GPC6: variants seen among roughly 807,000 people sequenced by gnomAD.
GPC6 encodes glypican-6.
Under a neutral mutation model 55.2 loss-of-function variants are expected in GPC6, and 14 were observed. The observed-to-expected ratio is 0.25, with a 90% CI of 0.17 to 0.40. GPC6 has a LOEUF of 0.40. Ranked by LOEUF, GPC6 falls within the 10% of genes least tolerant of loss-of-function variation. The pLI is 1.00. For synonymous variants in GPC6, 278 were observed against 259.6 expected, an observed-to-expected ratio of 1.07 and a Z score of -0.68; for missense variants, 641 against 708.5, an observed-to-expected ratio of 0.90 and a Z score of 1.08.
intron 1 of GPC6, among the ~76,000 whole-genome samples, chr13:93,525,666 CA>C (rs1881617675): frequency 6.6e-6 from 1 of 151,836 alleles, no homozygotes; most frequent in African/African-American, 2.4e-5. Context: ...AAGTACTTAA[CA>C]AAAAAAGGCC....
At position 93,429,665 on chromosome 13, in the gene GPC6, C is replaced by T. The variant is rs538657305; in HGVS notation, c.161-115598C>T. Among the ~76,000 whole-genome samples the T allele has an allele frequency of 5.9e-5, 9 of 152,206 alleles. No individual in the cohort carries two copies. In the East Asian group the frequency reaches 1.7e-3, roughly 29 times the overall value. Reference sequence around the variant, plus strand: ...AGGGTCTCAATTGCTGTATTGGCATCTGATATGAGAAAAAGGACAAGCAAC... The same window carrying T: ...AGGGTCTCAATTGCTGTATTGGCATTTGATATGAGAAAAAGGACAAGCAAC... On this transcript the variant is annotated intron_variant, in intron 1 of 8. Coordinates refer to ENST00000377047, the MANE Select transcript of GPC6 (RefSeq NM_005708.5).
intron 2 of GPC6, among the ~76,000 whole-genome samples, chr13:93,731,096 G>A (rs551641482): frequency 1.3e-5 from 2 of 152,240 alleles, no homozygotes; most frequent in East Asian, 3.9e-4. Context: ...GATACAGTGG[G>A]ATACAATGAA....
At chr13:93,596,872 T>C (rs1437766422) in intron 2 of GPC6, among the ~76,000 whole-genome samples, 1 of 148,946 alleles carries the variant, frequency 6.7e-6, no homozygotes, top group Admixed American at 6.7e-5. Flanking sequence ...TTGGCTCGTG[T>C]GATTATGGAG....
intron 1 of GPC6, among the ~76,000 whole-genome samples, chr13:93,326,473 T>A (rs940869386): frequency 6.6e-6 from 1 of 150,628 alleles, no homozygotes; most frequent in East Asian, 2.0e-4. Flanking sequence ...CACACACGTG[T>A]ACGCAGTTCA....
intron 3 of GPC6, among the ~76,000 whole-genome samples, chr13:93,977,840 T>G (rs1275311920): frequency 6.6e-6 from 1 of 152,166 alleles, no homozygotes; most frequent in Non-Finnish European, 1.5e-5. Flanking sequence ...AGTCCATAGC[T>G]GTGAAAAAGA....
chr13:94,164,190 A>G (rs1423250443), intron 4 of GPC6, among the ~76,000 whole-genome samples: 3 of 152,200 alleles, frequency 2.0e-5, no homozygotes, highest in Admixed American at 2.0e-4. Flanking sequence ...TATTATCTAT[A>G]AAACTGTATC....
At chr13:93,674,322 A>C (rs1193311600) in intron 2 of GPC6, among the ~76,000 whole-genome samples, 1 of 152,124 alleles carries the variant, frequency 6.6e-6, no homozygotes, top group Non-Finnish European at 1.5e-5. Context: ...ACTATGTTTT[A>C]TTGTATCCTT....
At chr13:94,264,586 C>T (rs1322851423) in intron 4 of GPC6, among the ~76,000 whole-genome samples, 3 of 152,196 alleles carry the variant, frequency 2.0e-5, no homozygotes, top group African/African-American at 4.8e-5. Flanking sequence ...CTTCAAAGAG[C>T]TCAATGCCAC....
intron 1 of GPC6, among the ~76,000 whole-genome samples, chr13:93,497,539 T>A (rs190557347): frequency 6.6e-6 from 1 of 152,348 alleles, no homozygotes; most frequent in Non-Finnish European, 1.5e-5. Flanking sequence ...GCATTCCATA[T>A]GCTGGGTAAT....
At chr13:93,899,521 C>T (rs1258025848) in intron 3 of GPC6, among the ~76,000 whole-genome samples, 1 of 151,282 alleles carries the variant, frequency 6.6e-6, no homozygotes, top group Non-Finnish European at 1.5e-5. Context: ...AGCCAGGAAG[C>T]AGGGACATCA....
intron 1 of GPC6, among the ~76,000 whole-genome samples, chr13:93,529,044 A>G (rs1171153550): frequency 6.6e-6 from 1 of 152,132 alleles, no homozygotes; most frequent in Non-Finnish European, 1.5e-5. Flanking sequence ...CTTACACACA[A>G]TATCAATTGT....
intron 2 of GPC6, among the ~76,000 whole-genome samples, chr13:93,713,191 T>A (rs1883133528): frequency 1.3e-5 from 2 of 151,578 alleles, no homozygotes; most frequent in South Asian, 4.1e-4. Context: ...GATTAAAAAT[T>A]TAGCAATAAA....
intron 3 of GPC6, among the ~76,000 whole-genome samples, chr13:93,937,790 G>T (rs928631981): frequency 6.6e-6 from 1 of 152,064 alleles, no homozygotes; most frequent in Non-Finnish European, 1.5e-5. Context: ...TGTTGGCCAG[G>T]CTGGTCTCGA....
intron 7 of GPC6, among the ~76,000 whole-genome samples, chr13:94,392,409 T>G (rs1880686681): frequency 7.1e-6 from 1 of 141,178 alleles, no homozygotes; most frequent in African/African-American, 2.7e-5. Flanking sequence ...GGTAATTCTA[T>G]TTTTAATTTT....
chr13:93,967,612 A>C (rs1304098971), intron 3 of GPC6, among the ~76,000 whole-genome samples: 2 of 152,174 alleles, frequency 1.3e-5, no homozygotes, highest in Non-Finnish European at 2.9e-5. Flanking sequence ...TGCACCTGTA[A>C]AACATCTTTC....
intron 2 of GPC6, among the ~76,000 whole-genome samples, chr13:93,785,973 G>T (rs1011529594): frequency 6.6e-6 from 1 of 152,034 alleles, no homozygotes; most frequent in Non-Finnish European, 1.5e-5. Flanking sequence ...AAAGAGAAGG[G>T]ACTCATCAAT....
At chr13:93,862,058 C>T (rs1405545735) in intron 3 of GPC6, among the ~76,000 whole-genome samples, 3 of 151,556 alleles carry the variant, frequency 2.0e-5, no homozygotes, top group African/African-American at 4.8e-5. Flanking sequence ...GACGCTAAAC[C>T]CACTTAGGAG....
intron 3 of GPC6, among the ~76,000 whole-genome samples, chr13:93,876,106 T>G (rs2140305581): frequency 6.6e-6 from 1 of 152,134 alleles, no homozygotes; most frequent in South Asian, 2.1e-4. Context: ...CTGGAATTAG[T>G]AAGAATTATA....
chr13:94,398,057 T>C (rs951166708), intron 7 of GPC6, among the ~76,000 whole-genome samples: 2 of 152,194 alleles, frequency 1.3e-5, no homozygotes, highest in African/African-American at 2.4e-5. Flanking sequence ...TCCACCATGA[T>C]TGTGAGGTCT....
Sources: allele counts gnomAD v4.1 joint callset (sites outside exome capture counted in the v4.1 genomes callset), GRCh38; gene constraint gnomAD v4.1.1; transcripts MANE v1.5; gene names NCBI Gene and HGNC (gene_info 2026-07-23, HGNC 2026-07-21).